The following NEDD4L variants were observed in gnomAD, a reference collection of about 807,000 sequenced individuals.
The protein encoded by NEDD4L is E3 ubiquitin-protein ligase NEDD4-like.
In NEDD4L, 54 loss-of-function variants were observed where a neutral mutation model predicts 148.9. The ratio of observed to expected loss-of-function variants is 0.36; its 90% confidence interval spans 0.29 to 0.45. NEDD4L has a LOEUF of 0.45. Among genes scored for constraint, NEDD4L ranks in the 20% least tolerant of loss-of-function variants. NEDD4L has a pLI of 1.00. For synonymous variants in NEDD4L, 433 were observed against 440.7 expected, an observed-to-expected ratio of 0.98 and a Z score of 0.22; for missense variants, 856 against 1,233.8, an observed-to-expected ratio of 0.69 and a Z score of 4.59.
In NEDD4L at chr18:58,044,537, G is replaced by C; in HGVS notation, c.-124G>C. On this transcript the variant is annotated 5_prime_UTR_variant, in exon 1 of 31. Coordinates refer to ENST00000400345, the MANE Select transcript of NEDD4L (RefSeq NM_001144967.3). The stretch of plus-strand genomic sequence containing the variant: ...CCTGCCGGCGCCCGGCCGCTTACCC[G>C]GCAGGGCGTGCGCAGGGTAGGGTGC... 3 of 1,246,006 alleles carry C rather than the reference G, an allele frequency of 2.4e-6. No individual in the cohort carries two copies. The highest frequency in any genetic ancestry group is 3.1e-6 in the Non-Finnish European group (3 of 983,176). The allele number at this position is 1,246,006 out of a possible 1,614,324, so 77.2% of individuals were successfully genotyped here.
At chr18:58,378,000 C>T (rs895416538) in intron 24 of NEDD4L, among the ~76,000 whole-genome samples, 3 of 152,200 alleles carry the variant, frequency 2.0e-5, no homozygotes, top group East Asian at 1.9e-4. Flanking sequence ...CCACCTCAGC[C>T]TCCCGAAGTG....
rs181203659 is a variant in NEDD4L, at chr18:58,364,942, T to C, written c.1833+609T>C. ...CCCCAAATTGTTCAACATTGCATCCTCTGTTTTACTTTCCGATTCCTCCTT... is the reference window on the plus strand; with the variant it reads ...CCCCAAATTGTTCAACATTGCATCCCCTGTTTTACTTTCCGATTCCTCCTT... On this transcript the variant is annotated intron_variant, in intron 20 of 30. Coordinates refer to ENST00000400345, the MANE Select transcript of NEDD4L (RefSeq NM_001144967.3). Among the ~76,000 whole-genome samples, 4 of 152,386 alleles carry C rather than the reference T, an allele frequency of 2.6e-5. 1 individual carries two copies. The highest frequency in any genetic ancestry group is 2.6e-4 in the Admixed American group (4 of 15,312).
chr18:58,302,314 CTTAT>C (rs1189071433), intron 5 of NEDD4L, among the ~76,000 whole-genome samples: 2 of 152,168 alleles, frequency 1.3e-5, no homozygotes, highest in East Asian at 3.8e-4. Flanking sequence ...GTTTTTTAGC[CTTAT>C]TTAGTCTTGC....
At chr18:58,128,487 C>T (rs181736045) in intron 1 of NEDD4L, among the ~76,000 whole-genome samples, 2 of 152,244 alleles carry the variant, frequency 1.3e-5, no homozygotes, top group African/African-American at 4.8e-5. Context: ...ACAGGCATCT[C>T]GGCAACTTGA....
chr18:58,149,395 T>C, intron 1 of NEDD4L: 1 of 1,469,294 alleles, frequency 6.8e-7, no homozygotes, highest in South Asian at 1.4e-5. Flanking sequence ...AAAACTTCTC[T>C]CCTGTGACCT....
At chr18:58,392,835 A>G (rs1343980888) in intron 30 of NEDD4L, among the ~76,000 whole-genome samples, 1 of 152,234 alleles carries the variant, frequency 6.6e-6, no homozygotes, top group Non-Finnish European at 1.5e-5. Flanking sequence ...ACTCAAGCTC[A>G]TAATACTAAC....
chr18:58,139,021 G>C (rs1465169728), intron 1 of NEDD4L, among the ~76,000 whole-genome samples: 1 of 152,162 alleles, frequency 6.6e-6, no homozygotes, highest in Non-Finnish European at 1.5e-5. Flanking sequence ...CCAGCCTAAG[G>C]CCCATGCCTG....
At chr18:58,396,115 T>C (rs1003172885) in intron 30 of NEDD4L, 52 bp from the exon 31 acceptor site, 3 of 1,213,402 alleles carry the variant, frequency 2.5e-6, no homozygotes, top group Non-Finnish European at 2.4e-6. Flanking sequence ...ATTAACCAGA[T>C]CGAGGAAGTG....
chr18:58,121,461 CCCAGG>C (rs1468480218), intron 1 of NEDD4L, among the ~76,000 whole-genome samples: 6 of 151,720 alleles, frequency 4.0e-5, no homozygotes, highest in African/African-American at 1.2e-4. Context: ...CTCTCTATCA[CCCAGG>C]CTGGAGCAGT....
intron 25 of NEDD4L, among the ~76,000 whole-genome samples, chr18:58,384,275 A>G (rs2048721128): frequency 6.6e-6 from 1 of 152,234 alleles, no homozygotes. Flanking sequence ...CTCTACTCAG[A>G]GATCCTGGCA....
intron 2 of NEDD4L, among the ~76,000 whole-genome samples, chr18:58,238,745 A>T (rs1238125745): frequency 6.6e-6 from 1 of 152,220 alleles, no homozygotes; most frequent in African/African-American, 2.4e-5. Context: ...AAAGGGCATC[A>T]ACCCTTTGAA....
intron 2 of NEDD4L, among the ~76,000 whole-genome samples, chr18:58,184,299 G>A (rs912242541): frequency 2.0e-5 from 3 of 151,964 alleles, no homozygotes; most frequent in Non-Finnish European, 4.4e-5. Context: ...TGAAGTCATG[G>A]GATTCTCTAC....
chr18:58,210,384 AG>A (rs2147698148), intron 2 of NEDD4L, among the ~76,000 whole-genome samples: 1 of 152,350 alleles, frequency 6.6e-6, no homozygotes, highest in African/African-American at 2.4e-5. Context: ...GAGATAGGAA[AG>A]ATGATTAAAA....
At chr18:58,348,671 A>G (rs2043448328) in intron 16 of NEDD4L, among the ~76,000 whole-genome samples, 1 of 152,112 alleles carries the variant, frequency 6.6e-6, no homozygotes, top group Admixed American at 6.5e-5. Flanking sequence ...ACTCTGGGTC[A>G]TAATCTTTGG....
intron 2 of NEDD4L, among the ~76,000 whole-genome samples, chr18:58,197,155 G>A (rs1414997826): frequency 6.6e-6 from 1 of 152,194 alleles, no homozygotes; most frequent in Non-Finnish European, 1.5e-5. Context: ...AGAGAGGGAA[G>A]TGCCTTCCTT....
chr18:58,289,400 C>A (rs1010239047), intron 5 of NEDD4L, among the ~76,000 whole-genome samples: 2 of 152,190 alleles, frequency 1.3e-5, no homozygotes, highest in Non-Finnish European at 2.9e-5. Context: ...TGAGACATGG[C>A]ATGTCTGATT....
intron 13 of NEDD4L, among the ~76,000 whole-genome samples, chr18:58,338,981 TG>T (rs1234321016): frequency 6.6e-6 from 1 of 152,206 alleles, no homozygotes; most frequent in Non-Finnish European, 1.5e-5. Context: ...AGTTCTGACA[TG>T]ATCTATGACA....
intron 9 of NEDD4L, 107 bp from the exon 10 acceptor site, chr18:58,328,888 G>A (rs2059546349): frequency 1.6e-6 from 2 of 1,224,014 alleles, no homozygotes; most frequent in South Asian, 1.4e-5. Flanking sequence ...AGTGTTTGAC[G>A]CTGACACTTT....
intron 2 of NEDD4L, among the ~76,000 whole-genome samples, chr18:58,179,813 T>C (rs900374285): frequency 2.0e-5 from 3 of 151,582 alleles, no homozygotes; most frequent in Non-Finnish European, 4.4e-5. Context: ...TTATGAAGAG[T>C]TGTATAATTA....
Sources: allele counts gnomAD v4.1 joint callset (sites outside exome capture counted in the v4.1 genomes callset), GRCh38; gene constraint gnomAD v4.1.1; transcripts MANE v1.5; gene names NCBI Gene and HGNC (gene_info 2026-07-23, HGNC 2026-07-21).